PLA2G4A: variants seen among roughly 807,000 people sequenced by gnomAD.
PLA2G4A encodes the protein cytosolic phospholipase A2.
PLA2G4A carries 40 observed loss-of-function variants against 81.9 expected under a neutral mutation model. The observed-to-expected ratio is 0.49, with a 90% CI of 0.38 to 0.64. PLA2G4A has a LOEUF of 0.64. Among genes scored for constraint, PLA2G4A ranks in the 30% least tolerant of loss-of-function variants. The pLI, the probability that PLA2G4A is intolerant of heterozygous loss-of-function variation, is 0.00. For missense variants in PLA2G4A, 715 were observed against 905.1 expected, an observed-to-expected ratio of 0.79 and a Z score of 2.69; for synonymous variants, 302 against 296.9, an observed-to-expected ratio of 1.02 and a Z score of -0.18.
intron 16 of PLA2G4A, 135 bp downstream of exon 16, chr1:186,977,923 T>C (rs930353635): frequency 3.1e-5 from 22 of 709,150 alleles, no homozygotes; most frequent in Non-Finnish European, 5.6e-5. Flanking sequence ...GATAAATAGA[T>C]ACTATTCTGA....
chr1:186,893,960 A>G lies in PLA2G4A; in HGVS notation c.265-138A>G, dbSNP rs1401118572. On this transcript the variant is annotated intron_variant, in intron 4 of 17. Transcript: ENST00000367466. ...AGGAAAAGATAAAAGTATTGTTACT[A>G]ATTAAATATTGAGATCTTCAAGGAC... 4.7e-6 allele frequency: 3 copies of G among 643,034 alleles called. No individual in the cohort carries two copies. In the East Asian group the frequency reaches 8.3e-5, roughly 18 times the overall value. 39.8% of individuals were successfully genotyped at this position (643,034 alleles called of 1,614,324 possible).
chr1:186,868,714 G>T (rs999756619), intron 2 of PLA2G4A, among the ~76,000 whole-genome samples: 1 of 152,082 alleles, frequency 6.6e-6, no homozygotes, highest in Non-Finnish European at 1.5e-5. Flanking sequence ...TAATAGATAT[G>T]CACCTATTTA....
intron 7 of PLA2G4A, among the ~76,000 whole-genome samples, chr1:186,928,656 A>T (rs1367653519): frequency 6.6e-6 from 1 of 152,196 alleles, no homozygotes; most frequent in Non-Finnish European, 1.5e-5. Context: ...CCTGACTAAT[A>T]TGGGGGGCCA....
At chr1:186,944,066 G>A (rs1055929095) in intron 10 of PLA2G4A, among the ~76,000 whole-genome samples, 8 of 152,048 alleles carry the variant, frequency 5.3e-5, no homozygotes, top group African/African-American at 1.7e-4. Context: ...AAAGGTTATC[G>A]GTGTGATGCA....
At position 186,905,497 on chromosome 1, in the gene PLA2G4A, G is replaced by T. The variant is rs550531451; in HGVS notation, c.379-1468G>T. Among the ~76,000 whole-genome samples, 3 of 152,042 alleles carry T rather than the reference G, an allele frequency of 2.0e-5. No individual in the cohort carries two copies. The South Asian group carries it at 6.2e-4, about 32-fold the overall frequency. On this transcript the variant is annotated intron_variant, in intron 5 of 17. Coordinates refer to ENST00000367466, the MANE Select transcript of PLA2G4A (RefSeq NM_024420.3). Reference sequence around the variant, plus strand: ...ACCCTTTGACGTTACATTCATCTGAGCATGCATTATTCCATGTGTCCTGGG... The same window carrying T: ...ACCCTTTGACGTTACATTCATCTGATCATGCATTATTCCATGTGTCCTGGG...
In PLA2G4A at chr1:186,854,367, G is replaced by C. The variant is rs529962255; in HGVS notation, c.13G>C (p.Asp5His). 5.1e-6 allele frequency: 8 copies of C among 1,573,562 alleles called. No individual in the cohort carries two copies. The African/African-American group carries it at 9.4e-5, about 19-fold the overall frequency. Residue 5 changes from aspartate to histidine, a missense_variant, in exon 2 of 18, where the codon GAT becomes CAT. Transcript: ENST00000367466. MSFIDPYQHIIVEHQ... is the reference protein window; with the variant it reads MSFIHPYQHIIVEHQ... ...AATTGAAACCAAAATGTCATTTATA[G>C]ATCCTTACCAGCACATTATAGTAAG...
At position 186,932,781 on chromosome 1, in the gene PLA2G4A, T is replaced by C. The variant is rs747587050; in HGVS notation, c.577T>C (p.Leu193=). The C allele has an allele frequency of 1.3e-5, 21 of 1,613,812 alleles. No individual in the cohort carries two copies. Among genetic ancestry groups the C allele is most frequent in the Non-Finnish European group, 1.8e-5 (21 of 1,179,728 alleles). ...GTTTCAGGTGCCTGTGGTAGCCATA[T>C]TGGGTTCAGGTGGGGGTTTCCGAGC... ...SARDVPVVAI[L]GSGGGFRAMV... is the part of the protein sequence containing the mutation. The change falls in exon 8 of 18, where the codon TTG becomes CTG. Residue 193 remains leucine, a synonymous_variant. Transcript: ENST00000367466.
chr1:186,929,219 TG>T (rs1255762292), intron 7 of PLA2G4A, among the ~76,000 whole-genome samples: 1 of 152,242 alleles, frequency 6.6e-6, no homozygotes, highest in African/African-American at 2.4e-5. Context: ...GTTCAAATCT[TG>T]ATTGTATTAC....
intron 2 of PLA2G4A, among the ~76,000 whole-genome samples, chr1:186,861,289 G>T (rs987402000): frequency 2.0e-5 from 3 of 152,102 alleles, no homozygotes; most frequent in African/African-American, 4.8e-5. Context: ...GTTTACCAGC[G>T]ACCTTATCCT....
intron 7 of PLA2G4A, among the ~76,000 whole-genome samples, chr1:186,912,249 C>G (rs1284124165): frequency 1.3e-5 from 2 of 152,210 alleles, no homozygotes; most frequent in African/African-American, 4.8e-5. Flanking sequence ...TACTCCCTAA[C>G]TATCAACATC....
intron 12 of PLA2G4A, among the ~76,000 whole-genome samples, chr1:186,949,332 AAAG>A (rs1656454448): frequency 8.3e-6 from 1 of 120,070 alleles, no homozygotes; most frequent in South Asian, 2.6e-4. Context: ...GGAAGGAAGG[AAAG>A]AAGAAAGAAA....
chr1:186,970,581 A>G (rs1019797168), intron 15 of PLA2G4A, among the ~76,000 whole-genome samples: 1 of 151,956 alleles, frequency 6.6e-6, no homozygotes, highest in Non-Finnish European at 1.5e-5. Flanking sequence ...TTTGATTTTT[A>G]TATATGTCAA....
chr1:186,850,361 T>C (rs185938049), intron 1 of PLA2G4A, among the ~76,000 whole-genome samples: 4 of 152,248 alleles, frequency 2.6e-5, no homozygotes, highest in Non-Finnish European at 5.9e-5. Flanking sequence ...ATTGATGATA[T>C]TTTCCCAGAA....
chr1:186,915,428 G>T (rs757840505), intron 7 of PLA2G4A, among the ~76,000 whole-genome samples: 1 of 152,038 alleles, frequency 6.6e-6, no homozygotes, highest in Non-Finnish European at 1.5e-5. Flanking sequence ...GTATCCCCAC[G>T]AGCCAACTTG....
chr1:186,870,700 G>T, intron 3 of PLA2G4A, 184 bp downstream of exon 3: 1 of 1,484,354 alleles, frequency 6.7e-7, no homozygotes. Context: ...TTTTACCTGG[G>T]CCTTAAATTA....
intron 3 of PLA2G4A, among the ~76,000 whole-genome samples, chr1:186,892,486 G>GGA (rs1654180338): frequency 6.6e-6 from 1 of 152,134 alleles, no homozygotes; most frequent in South Asian, 2.1e-4. Context: ...GCAAGAGATA[G>GGA]GAGTCTAGCT....
Position 186,956,356 on chromosome 1 carries a change from A to G in PLA2G4A, c.1579+12A>G, listed in dbSNP as rs1656753127. The G allele has an allele frequency of 1.2e-6, 2 of 1,611,922 alleles. No individual in the cohort carries two copies. The highest frequency in any genetic ancestry group is 8.5e-7 in the Non-Finnish European group (1 of 1,178,118). On this transcript the variant is annotated intron_variant, in intron 14 of 17. Coordinates refer to ENST00000367466, the MANE Select transcript of PLA2G4A (RefSeq NM_024420.3). The stretch of plus-strand genomic sequence containing the variant: ...TGCAGCTGTAGCAGGTAAGTGTACA[A>G]ATATAATTAGTGGGAGCTAATGCAG...
intron 5 of PLA2G4A, among the ~76,000 whole-genome samples, chr1:186,896,004 A>G (rs1442990964): frequency 6.6e-6 from 1 of 151,300 alleles, no homozygotes; most frequent in Non-Finnish European, 1.5e-5. Context: ...ATATAATATA[A>G]TGTATATTAC....
chr1:186,840,372 A>G (rs1412383158), intron 1 of PLA2G4A, among the ~76,000 whole-genome samples: 5 of 152,152 alleles, frequency 3.3e-5, no homozygotes, highest in Non-Finnish European at 7.3e-5. Flanking sequence ...TTGCCATCAC[A>G]GTGTCTAAAA....
Sources: allele counts gnomAD v4.1 joint callset (sites outside exome capture counted in the v4.1 genomes callset), GRCh38; gene constraint gnomAD v4.1.1; transcripts MANE v1.5; gene names NCBI Gene and HGNC (gene_info 2026-07-23, HGNC 2026-07-21).